Variants in DTNA observed in about 807,000 individuals in gnomAD.
DTNA encodes the protein dystrophin-related protein 3.
A neutral mutation model predicts 100.7 loss-of-function variants in DTNA; 43 were observed. The ratio of observed to expected loss-of-function variants is 0.43; its 90% CI spans 0.33 to 0.55. The LOEUF (loss-of-function observed/expected upper bound fraction) is 0.55. DTNA is among the 20% of genes least tolerant of loss of function. The probability of loss-of-function intolerance (pLI) is 0.04; values close to 1 mark genes in which losing one functional copy is unlikely to be tolerated. For missense variants in DTNA, 798 were observed against 953.9 expected (o/e 0.84, Z 2.15); for synonymous variants, 349 against 347.9 (o/e 1.00, Z -0.04).
intron 1 of DTNA, among the ~76,000 whole-genome samples, chr18:34,590,481 A>G (rs1267210620): frequency 6.6e-6 from 1 of 152,188 alleles, no homozygotes. Context: ...AAAAAATAAC[A>G]GAGGTCGTTT....
chr18:34,735,790 G>A (rs1287079463), intron 1 of DTNA, among the ~76,000 whole-genome samples: 1 of 152,056 alleles, frequency 6.6e-6, no homozygotes, highest in South Asian at 2.1e-4. Flanking sequence ...CATTACCCAG[G>A]TATTAAGCCC....
In DTNA at chr18:34,806,320, T is replaced by G. The variant is rs746132469; in HGVS notation, c.448+16T>G. On this transcript the variant is annotated intron_variant, in intron 5 of 22. Coordinates refer to ENST00000444659, the MANE Select transcript of DTNA (RefSeq NM_001386795.1). ...AAATTAAGATGTAAGTTATTATTCC[T>G]TGTGTGTCTGTTTGCTTTTCCTTGC... is the stretch of plus-strand genomic sequence containing the variant. 3 of 1,610,450 alleles carry G rather than the reference T, an allele frequency of 1.9e-6. No homozygotes were observed. The African/African-American group carries it at 4.0e-5, about 21-fold the overall frequency.
chr18:34,631,838 G>C lies in DTNA; in HGVS notation c.-1-124138G>C, dbSNP rs78627863. ...CATCACCCAAGAGTCACTGTGCACA[G>C]AAGAGCTTATAGATATGATCTGCAA... On this transcript the variant is annotated intron_variant, in intron 1 of 19. Coordinates refer to the DTNA transcript ENST00000283365. Among the ~76,000 whole-genome samples, 1,360 of 152,298 alleles carry C rather than the reference G, an allele frequency of 8.9e-3. 14 individuals carry two copies. The highest frequency in any genetic ancestry group is 0.031 in the African/African-American group (1,282 of 41,570).
intron 1 of DTNA, among the ~76,000 whole-genome samples, chr18:34,548,574 A>T (rs190380061): frequency 1.3e-5 from 2 of 152,200 alleles, no homozygotes; most frequent in Admixed American, 1.3e-4. Context: ...GCTTTGATTT[A>T]AGGGCATTGA....
At chr18:34,570,355 CAG>C (rs1447678836) in intron 1 of DTNA, among the ~76,000 whole-genome samples, 1 of 151,792 alleles carries the variant, frequency 6.6e-6, no homozygotes, top group African/African-American at 2.4e-5. Context: ...AAAGCAGCGA[CAG>C]AGTCTTAATT....
chr18:34,579,723 A>G (rs2048435968), intron 1 of DTNA, among the ~76,000 whole-genome samples: 1 of 152,112 alleles, frequency 6.6e-6, no homozygotes, highest in African/African-American at 2.4e-5. Flanking sequence ...CTTGTTTTTC[A>G]ATAGTTTAAT....
intron 1 of DTNA, among the ~76,000 whole-genome samples, chr18:34,646,157 C>T (rs551052676): frequency 8.6e-4 from 131 of 152,208 alleles, no homozygotes; most frequent in African/African-American, 3.0e-3. Context: ...TTGACAGTTA[C>T]TTCAGAATAA....
intron 1 of DTNA, among the ~76,000 whole-genome samples, chr18:34,657,703 T>C (rs2144332479): frequency 6.6e-6 from 1 of 152,316 alleles, no homozygotes; most frequent in South Asian, 2.1e-4. Flanking sequence ...CATGAGCCAT[T>C]CTCCAATAGA....
intron 1 of DTNA, among the ~76,000 whole-genome samples, chr18:34,727,356 T>G (rs2147184966): frequency 6.6e-6 from 1 of 152,304 alleles, no homozygotes; most frequent in Non-Finnish European, 1.5e-5. Flanking sequence ...ATTTTACTTT[T>G]AGGAATGTCT....
rs750089161 is a variant in DTNA, at chr18:34,662,459, CACTA to C, written c.-1-93511_-1-93508del. On this transcript the variant is annotated intron_variant, in intron 1 of 19. Coordinates refer to the DTNA transcript ENST00000283365. ...TCAAATACCTTCTCTCAGTTGTCCC[CACTA>C]ACTAATGACTGAGAAATGTCTCTCA... 7.9e-5 allele frequency among the ~76,000 whole-genome samples: 12 copies of C among 152,202 alleles called. 1 individual carries two copies. The East Asian group carries it at 1.2e-3, about 15-fold the overall frequency.
At chr18:34,768,365 AAAGG>A (rs144858100) in intron 3 of DTNA, among the ~76,000 whole-genome samples, 1 of 152,306 alleles carries the variant, frequency 6.6e-6, no homozygotes, top group African/African-American at 2.4e-5. Context: ...AAGGAAAAGG[AAAGG>A]AAGGAAGGGC....
At chr18:34,694,584 T>C (rs1384514537) in intron 1 of DTNA, among the ~76,000 whole-genome samples, 1 of 152,244 alleles carries the variant, frequency 6.6e-6, no homozygotes, top group East Asian at 1.9e-4. Context: ...CTAGAAATTT[T>C]ACTGCACTTT....
At chr18:34,866,540 G>A in intron 17 of DTNA, 1 of 1,117,916 alleles carries the variant, frequency 8.9e-7, no homozygotes, top group East Asian at 6.3e-5. Flanking sequence ...GCACTCAGAA[G>A]CTAACCTCTA....
In DTNA at chr18:34,868,485, G is replaced by A. The variant is rs1301810517; in HGVS notation, c.1743+4423G>A. ...GAGAGAATTTAGAGGTTTTAGACTGGCATCTGCTTCTAAATTCTGTTTTTA... is the reference window on the plus strand; with the variant it reads ...GAGAGAATTTAGAGGTTTTAGACTGACATCTGCTTCTAAATTCTGTTTTTA... On this transcript the variant is annotated intron_variant, in intron 17 of 22. Coordinates refer to ENST00000444659, the MANE Select transcript of DTNA (RefSeq NM_001386795.1). 7.1e-6 allele frequency: 7 copies of A among 985,204 alleles called. No individual in the cohort carries two copies. In the Admixed American group the frequency reaches 3.1e-4, roughly 43 times the overall value. 61.0% of individuals were successfully genotyped at this position (985,204 alleles called of 1,614,324 possible).
At chr18:34,608,603 G>A (rs1448973523) in intron 1 of DTNA, among the ~76,000 whole-genome samples, 2 of 151,322 alleles carry the variant, frequency 1.3e-5, no homozygotes, top group Non-Finnish European at 1.5e-5. Flanking sequence ...CATGCCTCAT[G>A]GGACTTATGA....
intron 1 of DTNA, chr18:34,573,958 C>G (rs1446162691): frequency 2.0e-5 from 3 of 152,586 alleles, no homozygotes; most frequent in Non-Finnish European, 4.4e-5. Context: ...GTGTGTGGCA[C>G]TGAAATGTAT....
intron 1 of DTNA, among the ~76,000 whole-genome samples, chr18:34,751,573 T>C (rs1042261743): frequency 1.3e-5 from 2 of 152,234 alleles, no homozygotes; most frequent in African/African-American, 4.8e-5. Context: ...CAACTGCCTG[T>C]TCCCAAATGC....
chr18:34,798,850 A>G (rs960167924), intron 4 of DTNA, among the ~76,000 whole-genome samples: 1 of 152,190 alleles, frequency 6.6e-6, no homozygotes, highest in Non-Finnish European at 1.5e-5. Flanking sequence ...GAGGAGATAG[A>G]AAGAGGTTAA....
At chr18:34,658,917 C>T (rs924536740) in intron 1 of DTNA, among the ~76,000 whole-genome samples, 1 of 152,186 alleles carries the variant, frequency 6.6e-6, no homozygotes, top group Non-Finnish European at 1.5e-5. Context: ...CCACTGTAAC[C>T]ACGGCTGAGG....
Sources: gnomAD v4.1 joint callset for allele counts (sites outside exome capture counted in the v4.1 genomes callset) on GRCh38, gnomAD v4.1.1 for gene constraint, MANE v1.5 for transcripts, NCBI Gene and HGNC (gene_info 2026-07-23, HGNC 2026-07-21) for gene names.